KLHL32: variants seen among roughly 807,000 people sequenced by gnomAD.
KLHL32 encodes kelch like family member 32.
A neutral mutation model predicts 64.8 loss-of-function variants in KLHL32; 35 were observed. The observed-to-expected ratio is 0.54, with a 90% CI of 0.41 to 0.72. The LOEUF is 0.72. KLHL32 is among the 30% of genes least tolerant of loss of function. The pLI, the probability that KLHL32 is intolerant of heterozygous loss-of-function variation, is 0.00. For synonymous variants in KLHL32, 259 were observed against 281.0 expected (o/e 0.92, Z 0.78); for missense variants, 589 against 768.5 (o/e 0.77, Z 2.76).
intron 3 of KLHL32, among the ~76,000 whole-genome samples, chr6:97,033,318 G>A (rs921577260): frequency 3.9e-5 from 6 of 151,982 alleles, no homozygotes; most frequent in African/African-American, 7.2e-5. Context: ...GCATAATGTC[G>A]TCCAAGTTCA....
intron 2 of KLHL32, among the ~76,000 whole-genome samples, chr6:96,972,535 G>A (rs1775228570): frequency 6.6e-6 from 1 of 152,204 alleles, no homozygotes; most frequent in South Asian, 2.1e-4. Context: ...CCAGGACACT[G>A]TCTGCACTCA....
chr6:96,920,591 T>C (rs1768721918), upstream of KLHL32, among the ~76,000 whole-genome samples: 5 of 151,380 alleles, frequency 3.3e-5, no homozygotes, highest in African/African-American at 1.2e-4. Flanking sequence ...CACACACACA[T>C]CTCCCTCCTT....
At chr6:97,031,226 G>C (rs1353394526) in intron 3 of KLHL32, among the ~76,000 whole-genome samples, 1 of 152,094 alleles carries the variant, frequency 6.6e-6, no homozygotes, top group African/African-American at 2.4e-5. Context: ...CTTCCTAATT[G>C]AGATATCTTT....
upstream of KLHL32, chr6:96,924,513 CGGGCGGT>C (rs2127983243): frequency 7.0e-6 from 1 of 142,148 alleles, no homozygotes; most frequent in East Asian, 2.1e-4. Context: ...GCGCTGGCGG[CGGGCGGT>C]GGCGTTGCGC....
chr6:97,009,429 C>A (rs536363890), intron 3 of KLHL32, among the ~76,000 whole-genome samples: 4 of 152,266 alleles, frequency 2.6e-5, no homozygotes, highest in South Asian at 4.2e-4. Flanking sequence ...CTAAAACTCT[C>A]TTCACTATCG....
chr6:96,995,057 T>G (rs756321094), intron 3 of KLHL32, among the ~76,000 whole-genome samples: 30 of 152,218 alleles, frequency 2.0e-4, no homozygotes, highest in Non-Finnish European at 3.7e-4. Flanking sequence ...ATCCCGTTAC[T>G]TCTGTGAACC....
intron 6 of KLHL32, among the ~76,000 whole-genome samples, chr6:97,103,313 A>T (rs776107903): frequency 2.7e-5 from 4 of 149,336 alleles, no homozygotes; most frequent in Admixed American, 6.7e-5. Flanking sequence ...TCCCAGGTTC[A>T]TGCGATTCTC....
chr6:97,113,206 C>G (rs1373409077), intron 6 of KLHL32, among the ~76,000 whole-genome samples: 1 of 152,116 alleles, frequency 6.6e-6, no homozygotes, highest in African/African-American at 2.4e-5. Context: ...TGCTTCCTGA[C>G]TGTTATACCT....
chr6:96,939,474 A>C (rs1771011733), intron 1 of KLHL32, among the ~76,000 whole-genome samples: 1 of 152,234 alleles, frequency 6.6e-6, no homozygotes, highest in African/African-American at 2.4e-5. Flanking sequence ...GGAGAGGTTC[A>C]TGGCATTGTT....
At chr6:97,014,474 T>A (rs899347386) in intron 3 of KLHL32, among the ~76,000 whole-genome samples, 1 of 152,136 alleles carries the variant, frequency 6.6e-6, no homozygotes, top group African/African-American at 2.4e-5. Flanking sequence ...TGATGGTGTT[T>A]GCACAGTGAA....
At position 97,011,037 on chromosome 6, in the gene KLHL32, G is replaced by A. The variant is rs73499057; in HGVS notation, c.205-30455G>A. ...CAGAAGAAGGTTCTATTTCTAGATG[G>A]TAAATGAGAGCTTCCCAGTGGACCA... On this transcript the variant is annotated intron_variant, in intron 3 of 10. Coordinates refer to ENST00000369261, the MANE Select transcript of KLHL32 (RefSeq NM_052904.4). Among the ~76,000 whole-genome samples, 1,252 of 152,300 alleles carry A rather than the reference G, an allele frequency of 8.2e-3. 10 individuals are homozygous for A. Among genetic ancestry groups the A allele is most frequent in the African/African-American group, 0.029 (1,203 of 41,554 alleles).
At chr6:97,056,995 A>G (rs1355834915) in intron 4 of KLHL32, among the ~76,000 whole-genome samples, 3 of 152,214 alleles carry the variant, frequency 2.0e-5, no homozygotes, top group Non-Finnish European at 4.4e-5. Flanking sequence ...AACTCTATTT[A>G]TACTTAAATT....
At chr6:97,028,329 T>C (rs1165153765) in intron 3 of KLHL32, among the ~76,000 whole-genome samples, 2 of 152,144 alleles carry the variant, frequency 1.3e-5, no homozygotes, top group African/African-American at 4.8e-5. Flanking sequence ...AAAATTCTAT[T>C]TGCAGAAGAG....
Position 96,989,083 on chromosome 6 carries a change from A to T in KLHL32, c.204+12906A>T, listed in dbSNP as rs1777521124. On this transcript the variant is annotated intron_variant, in intron 3 of 10. Coordinates refer to ENST00000369261, the MANE Select transcript of KLHL32 (RefSeq NM_052904.4). ...ACAAACCTGCACGTTGTGCACATGT[A>T]CCCTAAAATTTAAAGTATAATAAAA... is the stretch of plus-strand genomic sequence containing the variant. Among the ~76,000 whole-genome samples the T allele has an allele frequency of 2.0e-5, 3 of 152,312 alleles. No individual in the cohort carries two copies. In the South Asian group the frequency reaches 6.2e-4, roughly 32 times the overall value.
intron 4 of KLHL32, among the ~76,000 whole-genome samples, chr6:97,047,345 A>G (rs1786088674): frequency 6.6e-6 from 1 of 152,172 alleles, no homozygotes; most frequent in South Asian, 2.1e-4. Context: ...TGCAGTCTTC[A>G]TGGGTGTCCT....
At chr6:97,120,015 T>C (rs1427026507) in intron 7 of KLHL32, among the ~76,000 whole-genome samples, 2 of 151,974 alleles carry the variant, frequency 1.3e-5, no homozygotes, top group Admixed American at 6.6e-5. Context: ...CGAGCATATA[T>C]ATTAATAAGG....
intron 10 of KLHL32, among the ~76,000 whole-genome samples, chr6:97,133,123 A>G (rs992316129): frequency 6.6e-6 from 1 of 152,194 alleles, no homozygotes; most frequent in African/African-American, 2.4e-5. Flanking sequence ...TATTTTCTAT[A>G]TTACAGTTCA....
Position 97,057,430 on chromosome 6 carries a change from T to C in KLHL32, c.313-7198T>C, listed in dbSNP as rs1396627066. ...ATCTCCTGACCTCGTGATCCGCCCG[T>C]CTCGGCCTCCCAAAGTGCTGGGATT... On this transcript the variant is annotated intron_variant, in intron 4 of 10. Transcript: ENST00000369261. 2.2e-5 allele frequency among the ~76,000 whole-genome samples: 2 copies of C among 89,180 alleles called. 1 individual carries two copies. The highest frequency in any genetic ancestry group is 2.9e-4 in the Admixed American group (2 of 6,838). 58.5% of individuals were successfully genotyped at this position (89,180 alleles called of 152,430 possible). A position where few individuals can be genotyped will look rare whatever the true frequency, so the allele number is the denominator to read the frequency against.
chr6:97,105,113 TA>T (rs1296389662), intron 6 of KLHL32, among the ~76,000 whole-genome samples: 1 of 151,836 alleles, frequency 6.6e-6, no homozygotes, highest in African/African-American at 2.4e-5. Context: ...TATGTAATAT[TA>T]AAAGGATAAC....
Sources: gnomAD v4.1 joint callset for allele counts (sites outside exome capture counted in the v4.1 genomes callset) on GRCh38, gnomAD v4.1.1 for gene constraint, MANE v1.5 for transcripts, NCBI Gene and HGNC (gene_info 2026-07-23, HGNC 2026-07-21) for gene names.